The following SUPT20H variants were observed in gnomAD, a reference collection of about 807,000 sequenced individuals.
SUPT20H encodes transcription factor SPT20 homolog.
SUPT20H carries 82 observed loss-of-function variants against 122.8 expected under a neutral mutation model. The ratio of observed to expected loss-of-function variants is 0.67; its 90% CI spans 0.56 to 0.80. The LOEUF (loss-of-function observed/expected upper bound fraction) is 0.80, where lower values mean the gene tolerates loss of function less well. SUPT20H is among the 30% of genes least tolerant of loss of function. The pLI, the probability that SUPT20H is intolerant of heterozygous loss-of-function variation, is 0.00. For missense variants in SUPT20H, 831 were observed against 921.6 expected, an observed-to-expected ratio of 0.90 and a Z score of 1.27; for synonymous variants, 291 against 313.0, an observed-to-expected ratio of 0.93 and a Z score of 0.74.
chr13:37,014,150 C>A (rs900886670), intron 23 of SUPT20H, among the ~76,000 whole-genome samples: 1 of 151,728 alleles, frequency 6.6e-6, no homozygotes, highest in Non-Finnish European at 1.5e-5. Flanking sequence ...AAGAAAGAAA[C>A]AAGAAATATT....
chr13:37,037,011 A>C (rs1277265751), intron 9 of SUPT20H, among the ~76,000 whole-genome samples: 1 of 151,978 alleles, frequency 6.6e-6, no homozygotes, highest in Non-Finnish European at 1.5e-5. Flanking sequence ...CCTGGGCAAC[A>C]CAGTGAAATC....
chr13:37,021,378 T>A, intron 21 of SUPT20H, 70 bp downstream of exon 21: 1 of 1,429,290 alleles, frequency 7.0e-7, no homozygotes, highest in Non-Finnish European at 9.3e-7. Context: ...AGCATTACTC[T>A]TAAAATTACA....
At position 37,011,022 on chromosome 13, in the gene SUPT20H, G is replaced by T. The variant is rs1476008846; in HGVS notation, c.2099-367C>A. On this transcript the variant is annotated intron_variant, in intron 24 of 25. Coordinates refer to ENST00000350612, the MANE Select transcript of SUPT20H (RefSeq NM_001014286.3). ...GGAGATGGAAGAAATCCAAACTATT[G>T]TAACAACAAAGCTGGTAGACAGACA... 2.6e-5 allele frequency among the ~76,000 whole-genome samples: 4 copies of T among 152,156 alleles called. No homozygotes were observed. The East Asian group carries it at 7.7e-4, about 29-fold the overall frequency.
In SUPT20H at chr13:37,022,395, A is replaced by G. The variant is rs918981950; in HGVS notation, c.1592-315T>C. On this transcript the variant is annotated intron_variant, in intron 19 of 25. Transcript: ENST00000350612. This position sits in a 1 kb window ranked among gnomAD's most constrained non-coding sequence, Gnocchi z 4.5. ...TTTAAAATAAGGTTAATGGAATCTT[A>G]CTTAGCACTGACAATTTGTTCTAGT... 17 of 1,312,506 alleles carry G rather than the reference A, an allele frequency of 1.3e-5. No homozygotes were observed. Among genetic ancestry groups the G allele is most frequent in the African/African-American group, 1.5e-5 (1 of 66,470 alleles). 81.3% of individuals were successfully genotyped at this position (1,312,506 alleles called of 1,614,324 possible).
intron 12 of SUPT20H, 51 bp from the exon 13 acceptor site, chr13:37,029,887 A>G: frequency 7.2e-7 from 1 of 1,386,704 alleles, no homozygotes; most frequent in Non-Finnish European, 1.0e-6. Flanking sequence ...CATATCAGAT[A>G]AAATGGAATC....
intron 23 of SUPT20H, chr13:37,012,889 A>T (rs1049783302): frequency 9.2e-5 from 14 of 152,062 alleles, no homozygotes; most frequent in African/African-American, 3.4e-4. Flanking sequence ...TCAAAAAAAA[A>T]GAGAAAAGCT....
In SUPT20H at chr13:37,022,237, G is replaced by C; in HGVS notation, c.1592-157C>G. 6.4e-7 allele frequency: 1 copy of C among 1,556,914 alleles called. No homozygotes were observed. The highest frequency in any genetic ancestry group is 1.4e-5 in the African/African-American group (1 of 73,748). Reference sequence around the variant, plus strand: ...GTAGGGGTGGCTGAAGGGGTACTAGGAGTTGAGCTCTGAGCATCAGGAGGG... The same window carrying C: ...GTAGGGGTGGCTGAAGGGGTACTAGCAGTTGAGCTCTGAGCATCAGGAGGG... On this transcript the variant is annotated intron_variant, in intron 19 of 25. Transcript: ENST00000350612. This position sits in a 1 kb window ranked among gnomAD's most constrained non-coding sequence, Gnocchi z 4.5.
chr13:37,019,528 C>CA (rs2139402154), intron 21 of SUPT20H, 131 bp from the exon 22 acceptor site: 1 of 508,758 alleles, frequency 2.0e-6, no homozygotes, highest in East Asian at 3.6e-5. Flanking sequence ...TTCCATACTT[C>CA]AAAAATATCT....
At chr13:37,055,401 A>C (rs947407858) in intron 1 of SUPT20H, among the ~76,000 whole-genome samples, 10 of 152,210 alleles carry the variant, frequency 6.6e-5, no homozygotes, top group Non-Finnish European at 1.3e-4. Context: ...ACAGCATGGT[A>C]CTTGTACCAA....
chr13:37,029,614 T>C (rs2062942375), intron 13 of SUPT20H, 151 bp downstream of exon 13: 5 of 577,560 alleles, frequency 8.7e-6, no homozygotes, highest in Non-Finnish European at 1.5e-5. Flanking sequence ...AAAATAGTTG[T>C]TTCTTCTTGT....
chr13:37,054,073 A>T (rs1237165809), intron 1 of SUPT20H, among the ~76,000 whole-genome samples: 2 of 152,236 alleles, frequency 1.3e-5, no homozygotes, highest in Non-Finnish European at 2.9e-5. Flanking sequence ...ACCAGGAAGA[A>T]GTTGAATCTC....
rs546425599 is a variant in SUPT20H at position 37,041,851 on chromosome 13, A to T, written c.397-1159T>A. 2.1e-4 allele frequency among the ~76,000 whole-genome samples: 32 copies of T among 152,332 alleles called. No individual in the cohort carries two copies. The South Asian group carries it at 6.6e-3, about 32-fold the overall frequency. On this transcript the variant is annotated intron_variant, in intron 7 of 25. Coordinates refer to ENST00000350612, the MANE Select transcript of SUPT20H (RefSeq NM_001014286.3). The stretch of plus-strand genomic sequence containing the variant: ...TAAACAGAACAAAGTAATTTTAGAT[A>T]GTGATGAATTCTATAAAGGAAATCA...
intron 24 of SUPT20H, among the ~76,000 whole-genome samples, chr13:37,011,297 C>T (rs1253755385): frequency 6.6e-6 from 1 of 152,116 alleles, no homozygotes; most frequent in Non-Finnish European, 1.5e-5. Context: ...GAGTTGTTTC[C>T]ACTAAATTAT....
intron 25 of SUPT20H, 141 bp downstream of exon 25, chr13:37,010,411 G>C: frequency 1.4e-6 from 1 of 704,954 alleles, no homozygotes; most frequent in Non-Finnish European, 2.3e-6. Flanking sequence ...TAAAATGTCA[G>C]ACTTTAAAAT....
Position 37,024,401 on chromosome 13 carries a change from C to A in SUPT20H, c.1371G>T (p.Lys457Asn). 6.3e-7 allele frequency: 1 copy of A among 1,590,460 alleles called. No individual in the cohort carries two copies. The highest frequency in any genetic ancestry group is 8.5e-7 in the Non-Finnish European group (1 of 1,171,080). ...TTGGTGGGGGTCGATGTTTTACACC[C>A]TTCCCCAATACCGAAGACTGAACTG... is the stretch of plus-strand genomic sequence containing the variant. ...TVSVQSSVLG[K>N]GVKHRPPPIK... Residue 457 changes from lysine (K) to asparagine (N), a missense_variant, in exon 18 of 26, where the codon AAG (lysine) becomes AAT (asparagine). Physicochemically the swap from Lys to Asn is moderately conservative, Grantham distance 94. Transcript: ENST00000350612.
At chr13:37,025,948 T>C (rs1402957952) in intron 16 of SUPT20H, 4 of 345,242 alleles carry the variant, frequency 1.2e-5, no homozygotes, top group Admixed American at 4.6e-5. Context: ...AGAACCATTC[T>C]TAGTAGTTTG....
At chr13:37,057,680 A>G (rs2069442214) in intron 1 of SUPT20H, among the ~76,000 whole-genome samples, 1 of 152,130 alleles carries the variant, frequency 6.6e-6, no homozygotes, top group East Asian at 1.9e-4. Flanking sequence ...GTCTCTACAA[A>G]AAAATACAGA....
At chr13:37,048,444 C>T (rs1036490789) in intron 3 of SUPT20H, 120 bp downstream of exon 3, 5 of 757,904 alleles carry the variant, frequency 6.6e-6, no homozygotes, top group South Asian at 5.2e-5. Flanking sequence ...AAATGATATG[C>T]ATACTTGTCC....
chr13:37,055,303 T>A (rs1312440249), intron 1 of SUPT20H, among the ~76,000 whole-genome samples: 1 of 115,242 alleles, frequency 8.7e-6, no homozygotes, highest in African/African-American at 2.9e-5. Context: ...AGAGCCCACA[T>A]TGCCAAGTCA....
Sources: gnomAD v4.1 joint callset for allele counts (sites outside exome capture counted in the v4.1 genomes callset) on GRCh38, gnomAD v4.1.1 for gene constraint, Gnocchi (gnomAD v3.1) non-coding constraint, MANE v1.5 for transcripts, NCBI Gene and HGNC (gene_info 2026-07-23, HGNC 2026-07-21) for gene names.